Variants in MTMR9 observed in about 807,000 individuals in gnomAD.
MTMR9 encodes the protein myotubularin related protein 9.
MTMR9 carries 39 observed loss-of-function variants against 69.5 expected under a neutral mutation model. The observed-to-expected ratio is 0.56, with a 90% CI of 0.43 to 0.73. The LOEUF (loss-of-function observed/expected upper bound fraction) is 0.73. Among genes scored for constraint, MTMR9 ranks in the 30% least tolerant of loss-of-function variants. The probability of loss-of-function intolerance (pLI) is 0.00; values close to 1 mark genes in which losing one functional copy is unlikely to be tolerated. For missense variants in MTMR9, 900 were observed against 671.2 expected, an observed-to-expected ratio of 1.34 and a Z score of -3.77; for synonymous variants, 354 against 240.8, an observed-to-expected ratio of 1.47 and a Z score of -4.35.
downstream of MTMR9, chr8:11,332,023 C>A: frequency 1.2e-6 from 2 of 1,611,852 alleles, no homozygotes; most frequent in South Asian, 2.2e-5. Flanking sequence ...GAGACTGTGG[C>A]ACTTTCTGAC....
At chr8:11,313,132 C>G (rs572125661) in intron 6 of MTMR9, among the ~76,000 whole-genome samples, 1 of 152,232 alleles carries the variant, frequency 6.6e-6, no homozygotes, top group African/African-American at 2.4e-5. Flanking sequence ...CTTAAAGTCA[C>G]CAGCTGCATT....
chr8:11,307,585 A>G (rs117918481), intron 5 of MTMR9, among the ~76,000 whole-genome samples: 1 of 152,138 alleles, frequency 6.6e-6, no homozygotes, highest in Non-Finnish European at 1.5e-5. Context: ...ACTGGATCTT[A>G]TTGCAGTTTC....
intron 7 of MTMR9, among the ~76,000 whole-genome samples, chr8:11,315,388 G>A (rs988136925): frequency 2.0e-5 from 3 of 152,156 alleles, no homozygotes; most frequent in Non-Finnish European, 4.4e-5. Flanking sequence ...AGTCGGGGAA[G>A]GGGGAGTGGG....
intron 2 of MTMR9, among the ~76,000 whole-genome samples, chr8:11,297,463 A>C (rs1027036276): frequency 6.6e-6 from 1 of 151,642 alleles, no homozygotes; most frequent in Non-Finnish European, 1.5e-5. Context: ...ATGTCCCACT[A>C]TTTGGGCATT....
In MTMR9 at chr8:11,323,015, G is replaced by T. The variant is rs550764252; in HGVS notation, c.*227G>T. The stretch of plus-strand genomic sequence containing the variant: ...CCTGTCACTTTGGGAGCCGGAAGGA[G>T]GTGCTAGTCATTTTATTTTTACGTG... On this transcript the variant is annotated 3_prime_UTR_variant, in exon 10 of 10. Coordinates refer to ENST00000221086, the MANE Select transcript of MTMR9 (RefSeq NM_015458.4). 1 of 351,238 alleles carries T rather than the reference G, an allele frequency of 2.8e-6. No homozygotes were observed. The highest frequency in any genetic ancestry group is 4.8e-5 in the East Asian group (1 of 20,806). The allele number at this position is 351,238 out of a possible 1,614,324, so 21.8% of individuals were successfully genotyped here. A position where few individuals can be genotyped will look rare whatever the true frequency, so the allele number is the denominator to read the frequency against.
downstream of MTMR9, chr8:11,331,202 G>A: frequency 6.2e-7 from 1 of 1,613,968 alleles, no homozygotes; most frequent in Non-Finnish European, 8.5e-7. Context: ...AGCGCTGCCA[G>A]CCCTCTGGTG....
chr8:11,298,733 C>CCA, intron 2 of MTMR9: 1 of 932,716 alleles, frequency 1.1e-6, no homozygotes, highest in Non-Finnish European at 1.3e-6. Flanking sequence ...CCCCCCCCGC[C>CCA]ATCCAGTATA....
At position 11,323,302 on chromosome 8, in the gene MTMR9, A is replaced by G. The variant is rs1800779327; in HGVS notation, c.*514A>G. The G allele has an allele frequency of 1.3e-5, 2 of 152,152 alleles. No homozygotes were observed. Among genetic ancestry groups the G allele is most frequent in the South Asian group, 4.1e-4 (2 of 4,834 alleles). The allele number at this position is 152,152 out of a possible 1,614,324, so 9.4% of individuals were successfully genotyped here. On this transcript the variant is annotated 3_prime_UTR_variant, in exon 10 of 10. Transcript: ENST00000221086. ...AGTGTCTTCGCCACATAAAATAGCC[A>G]TTTTCTTTAAAATAGTTTTGGACTA... is the stretch of plus-strand genomic sequence containing the variant.
Position 11,326,660 on chromosome 8 carries a change from T to G in MTMR9, c.*3872T>G, listed in dbSNP as rs892815228. 2 of 152,254 alleles carry G rather than the reference T, an allele frequency of 1.3e-5. No homozygotes were observed. The highest frequency in any genetic ancestry group is 2.9e-5 in the Non-Finnish European group (2 of 68,056). The allele number at this position is 152,254 out of a possible 1,614,324, so 9.4% of individuals were successfully genotyped here. On this transcript the variant is annotated 3_prime_UTR_variant, in exon 10 of 10. Coordinates refer to ENST00000221086, the MANE Select transcript of MTMR9 (RefSeq NM_015458.4). The stretch of plus-strand genomic sequence containing the variant: ...AAGTTATTACCACATAGTATTTTTA[T>G]GTTACCCATCATCTTTAAAAACATT...
chr8:11,304,426 C>G (rs764147390), intron 3 of MTMR9, among the ~76,000 whole-genome samples: 2 of 152,058 alleles, frequency 1.3e-5, no homozygotes, highest in East Asian at 1.9e-4. Flanking sequence ...TGATGTTGGC[C>G]GTGATAATTG....
At position 11,324,389 on chromosome 8, in the gene MTMR9, AT is replaced by A. The variant is rs1163950677; in HGVS notation, c.*1606del. On this transcript the variant is annotated 3_prime_UTR_variant, in exon 10 of 10. Coordinates refer to ENST00000221086, the MANE Select transcript of MTMR9 (RefSeq NM_015458.4). ...CTGCCACCTTCTTTAAGCTCAGTTT[AT>A]TTTTGACTTACTTTCTTTGCTGTAG... 1.3e-5 allele frequency: 2 copies of A among 150,880 alleles called. No homozygotes were observed. The highest frequency in any genetic ancestry group is 4.9e-5 in the African/African-American group (2 of 40,956). The allele number at this position is 150,880 out of a possible 1,614,324, so 9.3% of individuals were successfully genotyped here.
chr8:11,285,105 C>T, intron 1 of MTMR9, 35 bp downstream of exon 1: 2 of 1,503,844 alleles, frequency 1.3e-6, no homozygotes, highest in Non-Finnish European at 8.9e-7. Flanking sequence ...CCGCAGGGAG[C>T]CGGGGGTCCC....
At chr8:11,292,030 C>A (rs567779516) in intron 1 of MTMR9, among the ~76,000 whole-genome samples, 2 of 152,132 alleles carry the variant, frequency 1.3e-5, no homozygotes, top group South Asian at 4.1e-4. Context: ...TTTGTGGTGC[C>A]CTTTCGTAAT....
chr8:11,305,169 A>G (rs924826089), intron 4 of MTMR9, among the ~76,000 whole-genome samples, 155 bp downstream of exon 4: 5 of 152,266 alleles, frequency 3.3e-5, no homozygotes, highest in Middle Eastern at 3.4e-3. Flanking sequence ...GGGAATCAGG[A>G]GTAGGGTGTT....
intron 2 of MTMR9, among the ~76,000 whole-genome samples, chr8:11,299,387 A>G (rs1351036175): frequency 6.6e-6 from 1 of 152,210 alleles, no homozygotes; most frequent in Non-Finnish European, 1.5e-5. Flanking sequence ...TAAGCCTTTT[A>G]CACACATTAT....
the MTMR9 span, among the ~76,000 whole-genome samples, chr8:11,338,369 G>C: frequency 6.6e-6 from 1 of 152,232 alleles, no homozygotes; most frequent in African/African-American, 2.4e-5. Flanking sequence ...CACTGGCCTT[G>C]TTGGGAAGCT....
chr8:11,299,293 C>G (rs1799667761), intron 2 of MTMR9, among the ~76,000 whole-genome samples: 1 of 152,126 alleles, frequency 6.6e-6, no homozygotes, highest in Non-Finnish European at 1.5e-5. Flanking sequence ...TCGCGCCATT[C>G]TAGCCTGGGT....
At chr8:11,298,789 C>G (rs1051693492) in intron 2 of MTMR9, 3 of 980,954 alleles carry the variant, frequency 3.1e-6, no homozygotes, top group Non-Finnish European at 3.6e-6. Context: ...ATGAATCTGC[C>G]TAGTGATAGA....
At position 11,324,586 on chromosome 8, in the gene MTMR9, A is replaced by C. The variant is rs903614516; in HGVS notation, c.*1798A>C. On this transcript the variant is annotated 3_prime_UTR_variant, in exon 10 of 10. Transcript: ENST00000221086. ...AATTGCTTGCTATGTCTGTTAATAC[A>C]GCTGAGCTTTTTGTTTTCTTCTCTT... The C allele has an allele frequency of 6.6e-6, 1 of 151,690 alleles. No homozygotes were observed. Among genetic ancestry groups the C allele is most frequent in the African/African-American group, 2.4e-5 (1 of 41,302 alleles). 9.4% of individuals were successfully genotyped at this position (151,690 alleles called of 1,614,324 possible). A position where few individuals can be genotyped will look rare whatever the true frequency, so the allele number is the denominator to read the frequency against.
Sources: gnomAD v4.1 joint callset for allele counts (sites outside exome capture counted in the v4.1 genomes callset) on GRCh38, gnomAD v4.1.1 for gene constraint, MANE v1.5 for transcripts, NCBI Gene and HGNC (gene_info 2026-07-23, HGNC 2026-07-21) for gene names.